The following MPP3 variants were observed in gnomAD, a reference collection of about 807,000 sequenced individuals.
The protein encoded by MPP3 is MAGUK p55 subfamily member 3.
MPP3 carries 48 observed loss-of-function variants against 80.7 expected under a neutral mutation model. That is an observed-to-expected ratio of 0.59 (90% CI 0.47 to 0.76). MPP3 has a LOEUF of 0.76. MPP3 is among the 30% of genes least tolerant of loss of function. The probability of loss-of-function intolerance (pLI) is 0.00; values close to 1 mark genes in which losing one functional copy is unlikely to be tolerated. For synonymous variants in MPP3, 311 were observed against 297.6 expected (o/e 1.04, Z -0.46); for missense variants, 620 against 763.0 (o/e 0.81, Z 2.21).
chr17:43,803,014 T>C (rs1171297344), intron 19 of MPP3, among the ~76,000 whole-genome samples: 1 of 152,222 alleles, frequency 6.6e-6, no homozygotes, highest in African/African-American at 2.4e-5. Context: ...AGATAATTTC[T>C]TCTCCTTTTC....
intron 11 of MPP3, 101 bp downstream of exon 11, chr17:43,820,761 G>A: frequency 1.8e-6 from 2 of 1,098,092 alleles, no homozygotes; most frequent in South Asian, 3.0e-5. Flanking sequence ...ACAATGCTCA[G>A]CAGGCCCCTC....
At chr17:43,819,551 C>T (rs1354559771) in intron 11 of MPP3, among the ~76,000 whole-genome samples, 4 of 152,192 alleles carry the variant, frequency 2.6e-5, no homozygotes, top group South Asian at 2.1e-4. Context: ...GCACCCATCA[C>T]GTTTATATAA....
intron 11 of MPP3, chr17:43,818,954 G>A (rs1479477665): frequency 6.7e-6 from 1 of 150,154 alleles, no homozygotes; most frequent in Non-Finnish European, 1.5e-5. Context: ...AAAAAATGCA[G>A]CTGAAGAGCT....
At chr17:43,811,238 G>A (rs1030409788) in intron 16 of MPP3, 33 bp from the exon 17 acceptor site, 2 of 1,547,196 alleles carry the variant, frequency 1.3e-6, no homozygotes, top group Admixed American at 3.3e-5. Flanking sequence ...TGGGCAAAGA[G>A]ATGTCACATC....
intron 15 of MPP3, 39 bp from the exon 16 acceptor site, chr17:43,814,130 A>C: frequency 6.2e-7 from 1 of 1,603,962 alleles, no homozygotes; most frequent in African/African-American, 1.3e-5. Context: ...GTCCCTGCTG[A>C]GCTCCCTCCC....
Position 43,821,006 on chromosome 17 carries a change from G to A in MPP3, c.737C>T (p.Pro246Leu). The change falls in exon 11 of 20, where the codon CCT (proline) becomes CTT (leucine). Residue 246 changes from proline to leucine, a missense_variant. By Grantham distance (98) the Pro-to-Leu change is moderately conservative. Coordinates refer to ENST00000398389, the MANE Select transcript of MPP3 (RefSeq NM_001932.6). ...GAAGGGCAGGCCCGCCTCCTGGCAA[G>A]GGATGGCCCGGTCCTCCCGAGGGTT... ...HYNPREDRAI[P>L]CQEAGLPFQR... 1 of 1,614,106 alleles carries A rather than the reference G, an allele frequency of 6.2e-7. No homozygotes were observed. The highest frequency in any genetic ancestry group is 8.5e-7 in the Non-Finnish European group (1 of 1,180,018).
chr17:43,815,589 G>C lies in MPP3; in HGVS notation c.1009+449C>G, dbSNP rs1168532330. 4 of 310,714 alleles carry C rather than the reference G, an allele frequency of 1.3e-5. No individual in the cohort carries two copies. The East Asian group carries it at 4.9e-4, about 38-fold the overall frequency. 19.2% of individuals were successfully genotyped at this position (310,714 alleles called of 1,614,324 possible). ...CTACTGCACTCCAGCGTGAGAGACA[G>C]GGCAAAACCCTGTCTCTAAAAAATA... On this transcript the variant is annotated intron_variant, in intron 14 of 19. Coordinates refer to ENST00000398389, the MANE Select transcript of MPP3 (RefSeq NM_001932.6).
chr17:43,807,058 G>A (rs1223955209), intron 19 of MPP3, among the ~76,000 whole-genome samples: 1 of 150,980 alleles, frequency 6.6e-6, no homozygotes, highest in Non-Finnish European at 1.5e-5. Context: ...TGCAGGCTCT[G>A]CCTCCTGGGT....
chr17:43,810,802 C>T lies in MPP3; in HGVS notation c.1458+5G>A, dbSNP rs1567800947. ...CAGAAATGGCCAGCAGGCCCAGCAA[C>T]TCACTTCTGGCTCCACATCCACCAA... On this transcript the variant is annotated splice_donor_5th_base_variant and intron_variant, in intron 18 of 19. Transcript: ENST00000398389. 6.3e-7 allele frequency: 1 copy of T among 1,593,474 alleles called. No homozygotes were observed. The highest frequency in any genetic ancestry group is 8.5e-7 in the Non-Finnish European group (1 of 1,170,344).
intron 8 of MPP3, among the ~76,000 whole-genome samples, chr17:43,827,243 C>T (rs1364578315): frequency 1.3e-5 from 2 of 151,420 alleles, no homozygotes; most frequent in Non-Finnish European, 2.9e-5. Context: ...CTCGAACTCC[C>T]GACCTCAGGT....
intron 19 of MPP3, among the ~76,000 whole-genome samples, chr17:43,802,264 C>T (rs940171786): frequency 6.6e-6 from 1 of 152,158 alleles, no homozygotes; most frequent in Non-Finnish European, 1.5e-5. Context: ...ACATTCAGTA[C>T]ACAGGTTAAA....
rs962006890 is a variant in MPP3, at chr17:43,833,135, A to G, written c.-131T>C. 2 of 148,594 alleles carry G rather than the reference A, an allele frequency of 1.3e-5. No homozygotes were observed. The highest frequency in any genetic ancestry group is 2.5e-5 in the African/African-American group (1 of 39,670). The allele number at this position is 148,594 out of a possible 1,614,324, so 9.2% of individuals were successfully genotyped here. On this transcript the variant is annotated 5_prime_UTR_variant, in exon 1 of 20. Transcript: ENST00000398389. Reference sequence around the variant, plus strand: ...CCGGGATGTGTGCTCCGCGAACGGGAGCCGCGCGAGTGCCCAGAGCCTGGG... The same window carrying G: ...CCGGGATGTGTGCTCCGCGAACGGGGGCCGCGCGAGTGCCCAGAGCCTGGG...
Position 43,810,791 on chromosome 17 carries a change from A to T in MPP3, c.1458+16T>A. 6.4e-7 allele frequency: 1 copy of T among 1,555,304 alleles called. No homozygotes were observed. ...ATTCCGTTAACCAGAAATGGCCAGCAGGCCCAGCAACTCACTTCTGGCTCC... is the reference window on the plus strand; with the variant it reads ...ATTCCGTTAACCAGAAATGGCCAGCTGGCCCAGCAACTCACTTCTGGCTCC... On this transcript the variant is annotated intron_variant, in intron 18 of 19. Coordinates refer to ENST00000398389, the MANE Select transcript of MPP3 (RefSeq NM_001932.6).
In MPP3 at chr17:43,828,828, C is replaced by T. The variant is rs147187529; in HGVS notation, c.441+826G>A. Among the ~76,000 whole-genome samples the T allele has an allele frequency of 1.1e-3, 170 of 152,332 alleles. 2 individuals carry two copies. The highest frequency in any genetic ancestry group is 2.9e-4 in the Non-Finnish European group (20 of 68,044). On this transcript the variant is annotated intron_variant, in intron 7 of 19. Coordinates refer to ENST00000398389, the MANE Select transcript of MPP3 (RefSeq NM_001932.6). ...ATCCATCATTTATTCAGCTCTGAAC[C>T]GCCAGCACCCAATACAGAGCCTGGA...
intron 19 of MPP3, among the ~76,000 whole-genome samples, chr17:43,806,612 C>CT (rs150983186): frequency 3.3e-5 from 5 of 151,910 alleles, no homozygotes; most frequent in Non-Finnish European, 5.9e-5. Flanking sequence ...CTGTATGTTT[C>CT]TTTTTTTTGT....
intron 16 of MPP3, among the ~76,000 whole-genome samples, chr17:43,812,866 G>A (rs748333252): frequency 2.0e-5 from 3 of 152,160 alleles, no homozygotes; most frequent in Admixed American, 6.5e-5. Flanking sequence ...TCACAGGTGT[G>A]CTGCCAGGAT....
chr17:43,831,463 C>G, intron 4 of MPP3, 96 bp downstream of exon 4: 1 of 1,319,312 alleles, frequency 7.6e-7, no homozygotes, highest in Non-Finnish European at 1.1e-6. Flanking sequence ...GAAGGCCTTC[C>G]TGGGGCAGGG....
At position 43,816,022 on chromosome 17, in the gene MPP3, AG is replaced by A; in HGVS notation, c.1009+15del. ...GGGGCAGGTCGTGCATGTGGGTGTC[AG>A]GGGGAGCTACTTACCCACATAGTGC... On this transcript the variant is annotated intron_variant, in intron 14 of 19. Coordinates refer to ENST00000398389, the MANE Select transcript of MPP3 (RefSeq NM_001932.6). 1 of 1,488,794 alleles carries A rather than the reference AG, an allele frequency of 6.7e-7. No homozygotes were observed. The highest frequency in any genetic ancestry group is 8.9e-7 in the Non-Finnish European group (1 of 1,122,644). 92.2% of individuals were successfully genotyped at this position (1,488,794 alleles called of 1,614,324 possible). A position where few individuals can be genotyped will look rare whatever the true frequency, so the allele number is the denominator to read the frequency against.
rs1197926220 is a variant in MPP3 at position 43,827,329 on chromosome 17, C to CTT, written c.523+420_523+421dup. Among the ~76,000 whole-genome samples, 192 of 98,954 alleles carry CTT rather than the reference C, an allele frequency of 1.9e-3. 2 individuals carry two copies. The highest frequency in any genetic ancestry group is 2.9e-3 in the African/African-American group (72 of 25,146). The allele number at this position is 98,954 out of a possible 152,430, so 64.9% of individuals were successfully genotyped here. ...CTGTGCCTGGCTTTTTTTTTTTTTT[C>CTT]TTTTTTTTTTTTTTTTGAGACAGAG... is the stretch of plus-strand genomic sequence containing the variant. On this transcript the variant is annotated intron_variant, in intron 8 of 19. Coordinates refer to ENST00000398389, the MANE Select transcript of MPP3 (RefSeq NM_001932.6).
Sources: gnomAD v4.1 joint callset for allele counts (sites outside exome capture counted in the v4.1 genomes callset) on GRCh38, gnomAD v4.1.1 for gene constraint, MANE v1.5 for transcripts, NCBI Gene and HGNC (gene_info 2026-07-23, HGNC 2026-07-21) for gene names.